ARHGEF38: variants seen among roughly 807,000 people sequenced by gnomAD.
ARHGEF38 encodes Rho guanine nucleotide exchange factor (GEF) 38.
ARHGEF38 carries 79 observed loss-of-function variants against 79.9 expected under a neutral mutation model. The observed-to-expected ratio is 0.99, with a 90% CI of 0.82 to 1.19. The LOEUF is 1.19. Among genes scored for constraint, ARHGEF38 ranks in the 50% most tolerant of loss-of-function variants. The probability of loss-of-function intolerance (pLI) is 0.00; values close to 1 mark genes in which losing one functional copy is unlikely to be tolerated. For synonymous variants in ARHGEF38, 366 were observed against 328.3 expected (o/e 1.11, Z -1.24); for missense variants, 962 against 907.2 (o/e 1.06, Z -0.78).
chr4:105,648,398 G>A, intron 6 of ARHGEF38, 151 bp from the exon 7 acceptor site: 1 of 546,764 alleles, frequency 1.8e-6, no homozygotes, highest in East Asian at 3.6e-5. Context: ...GGTGGACAGT[G>A]GGGCTGGAGC....
At chr4:105,663,715 A>G (rs1461873547) in intron 10 of ARHGEF38, among the ~76,000 whole-genome samples, 1 of 152,266 alleles carries the variant, frequency 6.6e-6, no homozygotes, top group Non-Finnish European at 1.5e-5. Flanking sequence ...CACGCCTGTA[A>G]TCCCAGCACT....
At chr4:105,574,715 T>C (rs1726405044) in intron 1 of ARHGEF38, among the ~76,000 whole-genome samples, 1 of 152,130 alleles carries the variant, frequency 6.6e-6, no homozygotes, top group South Asian at 2.1e-4. Context: ...CCTTGTTTGT[T>C]GGATTAAAAA....
At chr4:105,584,891 C>G (rs1166453956) in intron 1 of ARHGEF38, among the ~76,000 whole-genome samples, 1 of 152,154 alleles carries the variant, frequency 6.6e-6, no homozygotes, top group Non-Finnish European at 1.5e-5. Flanking sequence ...CACCCCTTTG[C>G]CTTTGGGTGC....
intron 2 of ARHGEF38, among the ~76,000 whole-genome samples, chr4:105,608,759 TGTAG>T (rs1441973568): frequency 6.6e-6 from 1 of 151,998 alleles, no homozygotes; most frequent in Non-Finnish European, 1.5e-5. Context: ...AGGTTTGTTA[TGTAG>T]GTAAACGTGT....
intron 13 of ARHGEF38, among the ~76,000 whole-genome samples, chr4:105,670,349 A>G (rs2110582037): frequency 6.6e-6 from 1 of 152,228 alleles, no homozygotes; most frequent in South Asian, 2.1e-4. Context: ...ATGAGGTGGT[A>G]TCTCTCTGGG....
At chr4:105,577,909 T>G (rs1351927601) in intron 1 of ARHGEF38, among the ~76,000 whole-genome samples, 1 of 152,174 alleles carries the variant, frequency 6.6e-6, no homozygotes, top group Non-Finnish European at 1.5e-5. Flanking sequence ...TGTATTTTTT[T>G]GTTTTAATTT....
Position 105,563,147 on chromosome 4 carries a change from C to T in ARHGEF38, c.196+10186C>T, listed in dbSNP as rs536538014. 9.9e-4 allele frequency among the ~76,000 whole-genome samples: 151 copies of T among 152,210 alleles called. 1 individual carries two copies. The highest frequency in any genetic ancestry group is 1.8e-3 in the Non-Finnish European group (125 of 68,022). ...AATTTATCCCTTCCTTTAAGGGGAA[C>T]GGGTGCTAACATGGCATCCACCACA... On this transcript the variant is annotated intron_variant, in intron 1 of 13. Coordinates refer to ENST00000420470, the MANE Select transcript of ARHGEF38 (RefSeq NM_001242729.2).
intron 3 of ARHGEF38, among the ~76,000 whole-genome samples, chr4:105,628,113 G>T (rs570870519): frequency 2.0e-5 from 3 of 152,098 alleles, no homozygotes; most frequent in African/African-American, 4.8e-5. Context: ...AAATGCAAGA[G>T]AATTTACAAT....
chr4:105,639,034 C>T (rs1729514086), intron 5 of ARHGEF38, among the ~76,000 whole-genome samples: 1 of 151,942 alleles, frequency 6.6e-6, no homozygotes, highest in Admixed American at 6.6e-5. Flanking sequence ...ATTCTCACTA[C>T]TCTTATGTCA....
intron 2 of ARHGEF38, 58 bp from the exon 3 acceptor site, chr4:105,613,326 G>A (rs1283209880): frequency 3.5e-5 from 54 of 1,557,124 alleles, no homozygotes; most frequent in Non-Finnish European, 4.7e-5. Flanking sequence ...TGTTTAGGAG[G>A]AGAAAACATC....
At chr4:105,667,933 A>G (rs775774501) in intron 13 of ARHGEF38, among the ~76,000 whole-genome samples, 2 of 152,214 alleles carry the variant, frequency 1.3e-5, no homozygotes, top group Non-Finnish European at 2.9e-5. Context: ...TAGCCAGCAC[A>G]AAGTAGACAC....
At chr4:105,571,035 A>G (rs2110421689) in intron 1 of ARHGEF38, among the ~76,000 whole-genome samples, 1 of 152,314 alleles carries the variant, frequency 6.6e-6, no homozygotes, top group South Asian at 2.1e-4. Flanking sequence ...GAAATGCATA[A>G]GTATTGTTTA....
chr4:105,626,623 TA>T (rs1268314693), intron 3 of ARHGEF38, among the ~76,000 whole-genome samples: 5 of 152,102 alleles, frequency 3.3e-5, no homozygotes, highest in African/African-American at 1.2e-4. Context: ...TTTACCTTAT[TA>T]TTATAGAAGA....
In ARHGEF38 at chr4:105,680,566, G is replaced by C. The variant is rs897009999; in HGVS notation, c.*2629G>C. 1.3e-5 allele frequency: 2 copies of C among 152,468 alleles called. No homozygotes were observed. Among genetic ancestry groups the C allele is most frequent in the Non-Finnish European group, 2.9e-5 (2 of 68,304 alleles). The allele number at this position is 152,468 out of a possible 1,614,324, so 9.4% of individuals were successfully genotyped here. On this transcript the variant is annotated 3_prime_UTR_variant, in exon 14 of 14. Transcript: ENST00000420470. ...TACTGCTCAGTTAAAGGGTCTTGTA[G>C]CTCATTTTATGACATGAAAAAAATC...
At chr4:105,583,632 C>A (rs1030791369) in intron 1 of ARHGEF38, among the ~76,000 whole-genome samples, 6 of 152,140 alleles carry the variant, frequency 3.9e-5, no homozygotes, top group African/African-American at 7.2e-5. Context: ...CACTTATCAC[C>A]TTTTAGTATA....
rs144191480 is a variant in ARHGEF38 at position 105,586,540 on chromosome 4, G to A, written c.197-2708G>A. The stretch of plus-strand genomic sequence containing the variant: ...CATTTTAAAGTGCAGCAACTGAAAC[G>A]TCTGTGAAGCAGGTTAAGTTAACAT... On this transcript the variant is annotated intron_variant, in intron 1 of 13. Coordinates refer to ENST00000420470, the MANE Select transcript of ARHGEF38 (RefSeq NM_001242729.2). Among the ~76,000 whole-genome samples the A allele has an allele frequency of 1.8e-4, 28 of 152,258 alleles. No individual in the cohort carries two copies. In the East Asian group the frequency reaches 3.5e-3, roughly 19 times the overall value.
At chr4:105,649,567 G>A (rs1182778905) in intron 7 of ARHGEF38, among the ~76,000 whole-genome samples, 4 of 152,160 alleles carry the variant, frequency 2.6e-5, no homozygotes, top group Non-Finnish European at 5.9e-5. Flanking sequence ...ATAGTTCTTA[G>A]TATACTATCT....
At chr4:105,559,647 A>T (rs1725423269) in intron 1 of ARHGEF38, among the ~76,000 whole-genome samples, 1 of 152,160 alleles carries the variant, frequency 6.6e-6, no homozygotes, top group Non-Finnish European at 1.5e-5. Flanking sequence ...ATCACATTTT[A>T]TTTAATAGTT....
intron 2 of ARHGEF38, among the ~76,000 whole-genome samples, chr4:105,607,300 G>A (rs958067096): frequency 6.6e-6 from 1 of 152,140 alleles, no homozygotes; most frequent in Admixed American, 6.6e-5. Context: ...CAACTAGATT[G>A]GTAATTTTTT....
Sources: allele counts gnomAD v4.1 joint callset (sites outside exome capture counted in the v4.1 genomes callset), GRCh38; gene constraint gnomAD v4.1.1; transcripts MANE v1.5; gene names NCBI Gene and HGNC (gene_info 2026-07-23, HGNC 2026-07-21).